ABCA8: variants seen among roughly 807,000 people sequenced by gnomAD.
ABCA8 encodes ABC-type organic anion transporter ABCA8.
Under a neutral mutation model 192.3 loss-of-function variants are expected in ABCA8, and 177 were observed. The ratio of observed to expected loss-of-function variants is 0.92; its 90% CI spans 0.81 to 1.04. ABCA8 has a LOEUF of 1.04. Ranked by LOEUF, ABCA8 falls within the 50% of genes least tolerant of loss-of-function variation. The probability of loss-of-function intolerance (pLI) is 0.00; values close to 1 mark genes in which losing one functional copy is unlikely to be tolerated. For missense variants in ABCA8, 1,915 were observed against 1,904.8 expected, an observed-to-expected ratio of 1.01 and a Z score of -0.10; for synonymous variants, 642 against 690.2, an observed-to-expected ratio of 0.93 and a Z score of 1.09.
At chr17:68,936,123 G>A (rs2068058367) in intron 5 of ABCA8, among the ~76,000 whole-genome samples, 1 of 151,906 alleles carries the variant, frequency 6.6e-6, no homozygotes, top group Admixed American at 6.6e-5. Flanking sequence ...CCATCTGTAG[G>A]TCATCTGTTT....
intron 5 of ABCA8, among the ~76,000 whole-genome samples, chr17:68,933,771 A>T (rs539450480): frequency 3.9e-5 from 6 of 152,286 alleles, no homozygotes; most frequent in African/African-American, 1.4e-4. Flanking sequence ...GAAGAAAAGG[A>T]TTTATTCAAA....
intron 4 of ABCA8, among the ~76,000 whole-genome samples, chr17:68,937,641 C>T (rs1023939839): frequency 6.6e-6 from 1 of 151,992 alleles, no homozygotes; most frequent in African/African-American, 2.4e-5. Context: ...TTGTCTGAGG[C>T]CACATGGATG....
Position 68,929,438 on chromosome 17 carries a change from T to C in ABCA8, c.939+123A>G, listed in dbSNP as rs567624605. On this transcript the variant is annotated intron_variant, in intron 8 of 39. Coordinates refer to ENST00000586539, the MANE Select transcript of ABCA8 (RefSeq NM_001288985.2). ...CACCTCAAATCAAATTGTACCTGTT[T>C]ATAGATTTTTCACATGCAAACAGAG... is the stretch of plus-strand genomic sequence containing the variant. 10 of 1,251,614 alleles carry C rather than the reference T, an allele frequency of 8.0e-6. No individual in the cohort carries two copies. The East Asian group carries it at 1.6e-4, about 20-fold the overall frequency. 77.5% of individuals were successfully genotyped at this position (1,251,614 alleles called of 1,614,324 possible).
chr17:68,882,825 C>T (rs913621961), intron 29 of ABCA8, 106 bp from the exon 30 acceptor site: 1 of 1,003,988 alleles, frequency 1.0e-6, no homozygotes, highest in African/African-American at 1.6e-5. Flanking sequence ...ATTAACAAAC[C>T]ATCATAATCT....
chr17:68,879,599 G>A (rs1237586799), intron 32 of ABCA8: 2 of 152,644 alleles, frequency 1.3e-5, no homozygotes, highest in African/African-American at 4.8e-5. Flanking sequence ...AGCAGGGGAG[G>A]TGTGACTGGG....
At chr17:68,914,175 G>T (rs2067293860) in intron 17 of ABCA8, among the ~76,000 whole-genome samples, 1 of 152,046 alleles carries the variant, frequency 6.6e-6, no homozygotes, top group African/African-American at 2.4e-5. Context: ...GCCATATATG[G>T]CAAACCTACA....
chr17:68,874,000 G>A (rs944113125), intron 37 of ABCA8, among the ~76,000 whole-genome samples: 1 of 151,938 alleles, frequency 6.6e-6, no homozygotes, highest in African/African-American at 2.4e-5. Flanking sequence ...GTTTTGTGTA[G>A]GAAAAAAGGG....
intron 32 of ABCA8, among the ~76,000 whole-genome samples, chr17:68,880,448 G>GA (rs1411142493): frequency 6.6e-6 from 1 of 152,186 alleles, no homozygotes; most frequent in African/African-American, 2.4e-5. Flanking sequence ...AAACAGGGCT[G>GA]AAACATGCCC....
chr17:68,934,797 A>G (rs78377151), intron 5 of ABCA8, among the ~76,000 whole-genome samples: 2 of 152,320 alleles, frequency 1.3e-5, no homozygotes, highest in East Asian at 1.9e-4. Context: ...TCTCTTTGCT[A>G]CATATCCTTG....
At chr17:68,871,544 T>C (rs1319843726) in intron 37 of ABCA8, among the ~76,000 whole-genome samples, 4 of 152,236 alleles carry the variant, frequency 2.6e-5, no homozygotes, top group Non-Finnish European at 2.9e-5. Context: ...TTGCATATCT[T>C]CTTTGGAGAA....
At position 68,867,885 on chromosome 17, in the gene ABCA8, T is replaced by C. The variant is rs955750744; in HGVS notation, c.*200A>G. The stretch of plus-strand genomic sequence containing the variant: ...ATGGCCTGCAGAGATACAGAGGCTG[T>C]GAGAGGAGGTTGGCTTAGTCAAATG... On this transcript the variant is annotated 3_prime_UTR_variant, in exon 40 of 40. Transcript: ENST00000586539. The C allele has an allele frequency of 4.9e-5, 26 of 528,606 alleles. No individual in the cohort carries two copies. The highest frequency in any genetic ancestry group is 4.9e-4 in the Middle Eastern group (1 of 2,048). 32.7% of individuals were successfully genotyped at this position (528,606 alleles called of 1,614,324 possible).
rs1403235277 is a variant in ABCA8 at position 68,929,142 on chromosome 17, C to T, written c.1032G>A (p.Leu344=). The T allele has an allele frequency of 6.2e-7, 1 of 1,611,712 alleles. No homozygotes were observed. The highest frequency in any genetic ancestry group is 1.3e-5 in the African/African-American group (1 of 74,850). Residue 344 remains leucine (L), a synonymous_variant, in exon 9 of 40, where the codon CTG becomes CTA. Transcript: ENST00000586539. ...VFLLTVFWGC[L]GFTSLYRHLP... ...GGTGTCTGTACAGTGATGTGAACCC[C>T]AGACACCCCCAAAAGACAGTGAGGA...
chr17:68,942,161 C>A, intron 2 of ABCA8, 122 bp from the exon 3 acceptor site: 1 of 678,988 alleles, frequency 1.5e-6, no homozygotes, highest in South Asian at 1.9e-5. Flanking sequence ...TGCAAAGAGT[C>A]TGAGTGTTCC....
At position 68,869,735 on chromosome 17, in the gene ABCA8, T is replaced by C. The variant is rs1430714949; in HGVS notation, c.4676A>G (p.Gln1559Arg). The change falls in exon 38 of 40, where the codon CAA becomes CGA. Residue 1559 changes from glutamine (Q) to arginine (R), a missense_variant. Coordinates refer to ENST00000586539, the MANE Select transcript of ABCA8 (RefSeq NM_001288985.2). ...TTTGAAGAAAGCTTGGGCTAAAGGT[T>C]GCACATCTTCCACTGGCAACTTATA... ...MVYKLPVEDVQPLAQAFFKLE... is the reference protein window; with the variant it reads ...MVYKLPVEDVRPLAQAFFKLE... 1.2e-6 allele frequency: 2 copies of C among 1,613,366 alleles called. No individual in the cohort carries two copies. The highest frequency in any genetic ancestry group is 1.7e-4 in the Middle Eastern group (1 of 6,058).
chr17:68,924,067 G>T (rs181902911), intron 11 of ABCA8, among the ~76,000 whole-genome samples: 1 of 152,182 alleles, frequency 6.6e-6, no homozygotes, highest in African/African-American at 2.4e-5. Flanking sequence ...AGTTTAAAAA[G>T]TGGAGAGAAA....
chr17:68,926,764 C>T (rs1053841287), intron 10 of ABCA8, among the ~76,000 whole-genome samples: 1 of 152,132 alleles, frequency 6.6e-6, no homozygotes, highest in Non-Finnish European at 1.5e-5. Flanking sequence ...GTCTTAAAAA[C>T]AACAAAAACA....
chr17:68,889,039 A>T (rs553849513), intron 24 of ABCA8, among the ~76,000 whole-genome samples: 1 of 152,248 alleles, frequency 6.6e-6, no homozygotes, highest in Non-Finnish European at 1.5e-5. Context: ...CTGCGGAGGA[A>T]GTTTTAAAGT....
chr17:68,902,650 A>C, intron 21 of ABCA8, 63 bp downstream of exon 21: 2 of 1,315,802 alleles, frequency 1.5e-6, no homozygotes, highest in Non-Finnish European at 2.1e-6. Flanking sequence ...TCTCATGGTT[A>C]TGTTTTCTAA....
At chr17:68,895,974 C>G (rs954022534) in intron 21 of ABCA8, among the ~76,000 whole-genome samples, 2 of 151,960 alleles carry the variant, frequency 1.3e-5, no homozygotes, top group Non-Finnish European at 2.9e-5. Context: ...AGGCCACCAC[C>G]CCTGCCAAGT....
Sources: allele counts gnomAD v4.1 joint callset (sites outside exome capture counted in the v4.1 genomes callset), GRCh38; gene constraint gnomAD v4.1.1; transcripts MANE v1.5; gene names NCBI Gene and HGNC (gene_info 2026-07-23, HGNC 2026-07-21).